The following TENM2 variants were observed in gnomAD, a reference collection of about 807,000 sequenced individuals.
TENM2 encodes the protein teneurin transmembrane protein 2, also known as teneurin-2.
Under a neutral mutation model 245.2 loss-of-function variants are expected in TENM2, and 52 were observed. The observed-to-expected ratio is 0.21, with a 90% confidence interval of 0.17 to 0.27. The LOEUF is 0.27. Ranked by LOEUF, TENM2 falls within the 10% of genes least tolerant of loss-of-function variation. The pLI is 1.00. For missense variants in TENM2, 3,046 were observed against 3,666.8 expected, an observed-to-expected ratio of 0.83 and a Z score of 4.37; for synonymous variants, 1,363 against 1,438.9, an observed-to-expected ratio of 0.95 and a Z score of 1.19.
At chr5:168,154,883 A>G (rs1757014440) in intron 12 of TENM2, among the ~76,000 whole-genome samples, 1 of 152,194 alleles carries the variant, frequency 6.6e-6, no homozygotes. Flanking sequence ...ACATACAGAC[A>G]CCACTGAAAC....
chr5:167,126,218 T>G, the TENM2 span, among the ~76,000 whole-genome samples: 1 of 152,126 alleles, frequency 6.6e-6, no homozygotes, highest in African/African-American at 2.4e-5. Flanking sequence ...GACATAGATA[T>G]GAGGATAGAG....
chr5:167,163,522 T>TAGAGG, the TENM2 span, among the ~76,000 whole-genome samples: 4,919 of 152,296 alleles, frequency 0.032, 286 homozygotes, highest in African/African-American at 0.11. Flanking sequence ...ATCTTAATGT[T>TAGAGG]TATGATTTAT....
chr5:167,103,109 T>G, the TENM2 span, among the ~76,000 whole-genome samples: 1 of 152,200 alleles, frequency 6.6e-6, no homozygotes, highest in Non-Finnish European at 1.5e-5. Flanking sequence ...AAATAATATA[T>G]TTGAGTCCTG....
At chr5:168,171,406 C>T (rs535767704) in intron 13 of TENM2, among the ~76,000 whole-genome samples, 3 of 152,300 alleles carry the variant, frequency 2.0e-5, no homozygotes, top group Non-Finnish European at 2.9e-5. Flanking sequence ...ACCATTGGCT[C>T]CTTTTTTCTA....
intron 1 of TENM2, among the ~76,000 whole-genome samples, chr5:167,358,197 A>C (rs772840965): frequency 1.6e-4 from 25 of 152,146 alleles, no homozygotes; most frequent in Admixed American, 2.6e-4. Context: ...GCTGTCTATC[A>C]CATTGCTTCT....
exon 14 of TENM2, chr5:168,190,486 A>G: frequency 6.2e-7 from 1 of 1,614,006 alleles, no homozygotes; most frequent in South Asian, 1.1e-5. Flanking sequence ...TGACCGTATC[A>G]AGCTCTTGGC....
chr5:167,980,764 C>T (rs1461005427), intron 4 of TENM2, among the ~76,000 whole-genome samples: 1 of 152,032 alleles, frequency 6.6e-6, no homozygotes, highest in African/African-American at 2.4e-5. Flanking sequence ...TGCAGCAGGC[C>T]AGGCGCAAGA....
intron 19 of TENM2, among the ~76,000 whole-genome samples, chr5:168,205,402 G>C (rs1762274820): frequency 6.6e-6 from 1 of 151,964 alleles, no homozygotes; most frequent in South Asian, 2.1e-4. Context: ...ACAAAATCAT[G>C]TGGGCAAATA....
the TENM2 span, among the ~76,000 whole-genome samples, chr5:167,254,060 T>C: frequency 6.6e-6 from 1 of 151,864 alleles, no homozygotes; most frequent in African/African-American, 2.4e-5. Context: ...ACAAGTTGCT[T>C]GGCTGACGTA....
the TENM2 span, among the ~76,000 whole-genome samples, chr5:167,210,524 C>T: frequency 3.0e-4 from 42 of 140,892 alleles, no homozygotes; most frequent in African/African-American, 1.1e-3. Flanking sequence ...ACTGCAGTGG[C>T]GCAATCTCGG....
chr5:167,228,833 C>A, the TENM2 span, among the ~76,000 whole-genome samples: 1 of 151,954 alleles, frequency 6.6e-6, no homozygotes, highest in African/African-American at 2.4e-5. Flanking sequence ...GCCTCCTGAG[C>A]AGCTGGGACT....
the TENM2 span, among the ~76,000 whole-genome samples, chr5:167,042,896 T>G: frequency 6.6e-6 from 1 of 152,208 alleles, no homozygotes; most frequent in African/African-American, 2.4e-5. Flanking sequence ...GATTGAAAGC[T>G]AAAGAGATTT....
chr5:167,676,151 G>A (rs1561661968), intron 2 of TENM2, among the ~76,000 whole-genome samples: 1 of 151,990 alleles, frequency 6.6e-6, no homozygotes, highest in Non-Finnish European at 1.5e-5. Context: ...GGATGTCATA[G>A]GTGTCATTGT....
chr5:168,060,471 TC>T (rs1044362571), intron 6 of TENM2, among the ~76,000 whole-genome samples: 50 of 152,274 alleles, frequency 3.3e-4, no homozygotes, highest in African/African-American at 1.2e-3. Flanking sequence ...AACCGTCTAG[TC>T]CCCATCTGAA....
chr5:167,162,236 T>C, the TENM2 span, among the ~76,000 whole-genome samples: 4 of 151,874 alleles, frequency 2.6e-5, no homozygotes, highest in East Asian at 3.9e-4. Flanking sequence ...AAATCTAAGA[T>C]AGTGATCACT....
chr5:168,016,354 A>G (rs1409696299), intron 5 of TENM2, among the ~76,000 whole-genome samples: 2 of 152,208 alleles, frequency 1.3e-5, no homozygotes, highest in African/African-American at 2.4e-5. Context: ...CTATCATTCC[A>G]TTATTTTATC....
the TENM2 span, among the ~76,000 whole-genome samples, chr5:167,258,292 T>C: frequency 6.7e-6 from 1 of 150,134 alleles, no homozygotes; most frequent in Non-Finnish European, 1.5e-5. Context: ...AAGTGTTCAG[T>C]TGCAAGTAAA....
At chr5:167,196,301 G>A in the TENM2 span, among the ~76,000 whole-genome samples, 1 of 151,826 alleles carries the variant, frequency 6.6e-6, no homozygotes. Context: ...GAGCCACCTT[G>A]CTCTTTGTGG....
chr5:167,381,084 C>T lies in TENM2; in HGVS notation c.502+5611C>T, dbSNP rs545851808. 6.6e-5 allele frequency among the ~76,000 whole-genome samples: 10 copies of T among 151,990 alleles called. No individual in the cohort carries two copies. The South Asian group carries it at 1.2e-3, about 19-fold the overall frequency. On this transcript the variant is annotated intron_variant, in intron 2 of 28. Coordinates refer to ENST00000518659, the Ensembl canonical transcript of TENM2. ...GCTCAGAAAATAATATCAAAGTAAA[C>T]GGGTTAGAGAAGAATGTATGAGGAG...
Sources: gnomAD v4.1 joint callset for allele counts (sites outside exome capture counted in the v4.1 genomes callset) on GRCh38, gnomAD v4.1.1 for gene constraint, MANE v1.5 for transcripts, NCBI Gene and HGNC (gene_info 2026-07-23, HGNC 2026-07-21) for gene names.